MYRFL: variants seen among roughly 807,000 people sequenced by gnomAD.
MYRFL encodes myelin regulatory factor like.
In MYRFL, 88 loss-of-function variants were observed where a neutral mutation model predicts 109.4. The observed-to-expected ratio is 0.80, with a 90% CI of 0.68 to 0.96. MYRFL has a LOEUF of 0.96. Ranked by LOEUF, MYRFL falls within the 40% of genes least tolerant of loss-of-function variation. The probability of loss-of-function intolerance (pLI) is 0.00; values close to 1 mark genes in which losing one functional copy is unlikely to be tolerated. For synonymous variants in MYRFL, 324 were observed against 320.9 expected, an observed-to-expected ratio of 1.01 and a Z score of -0.10; for missense variants, 957 against 954.9, an observed-to-expected ratio of 1.00 and a Z score of -0.03.
At chr12:69,870,889 G>A (rs986719697) in intron 2 of MYRFL, among the ~76,000 whole-genome samples, 3 of 152,138 alleles carry the variant, frequency 2.0e-5, no homozygotes, top group African/African-American at 7.2e-5. Flanking sequence ...GCTGGATGGA[G>A]ACTGCATTCC....
At chr12:69,909,667 T>C (rs1449285272) in intron 11 of MYRFL, among the ~76,000 whole-genome samples, 1 of 152,206 alleles carries the variant, frequency 6.6e-6, no homozygotes, top group East Asian at 1.9e-4. Context: ...TTGATTGTTA[T>C]CATTTTGCTG....
intron 19 of MYRFL, among the ~76,000 whole-genome samples, chr12:69,949,618 ACTTT>A: frequency 6.6e-6 from 1 of 150,408 alleles, no homozygotes; most frequent in South Asian, 2.1e-4. Flanking sequence ...AAATTTGTAA[ACTTT>A]CTTAAAACAT....
intron 19 of MYRFL, among the ~76,000 whole-genome samples, chr12:69,937,972 T>A (rs972861211): frequency 6.7e-6 from 1 of 150,272 alleles, no homozygotes; most frequent in African/African-American, 2.4e-5. Context: ...GAGGTGCTTT[T>A]ATTATCCCAA....
At chr12:69,867,528 C>T (rs1223955554) in intron 2 of MYRFL, among the ~76,000 whole-genome samples, 1 of 152,036 alleles carries the variant, frequency 6.6e-6, no homozygotes, top group Non-Finnish European at 1.5e-5. Flanking sequence ...GAATAGGGGA[C>T]GTCACAGGAG....
intron 5 of MYRFL, among the ~76,000 whole-genome samples, chr12:69,882,946 T>C (rs1355080672): frequency 1.3e-5 from 2 of 152,252 alleles, no homozygotes. Context: ...CTTATTTTTC[T>C]TGATTATGAA....
Position 69,830,157 on chromosome 12 carries a change from G to A in MYRFL, c.46+4594G>A, listed in dbSNP as rs146659241. On this transcript the variant is annotated intron_variant, in intron 1 of 24. Coordinates refer to ENST00000552032, the MANE Select transcript of MYRFL (RefSeq NM_182530.3). ...AACATTGAAACTGTCTGGATCAAAA[G>A]CAGCAGAAAGATTACCTCCTCCAGG... Among the ~76,000 whole-genome samples the A allele has an allele frequency of 6.3e-3, 955 of 151,998 alleles. 5 individuals are homozygous for A. The highest frequency in any genetic ancestry group is 0.01 in the Non-Finnish European group (708 of 67,926).
At chr12:69,861,021 G>C (rs1644550779) in intron 2 of MYRFL, among the ~76,000 whole-genome samples, 1 of 149,050 alleles carries the variant, frequency 6.7e-6, no homozygotes, top group African/African-American at 2.5e-5. Flanking sequence ...TCTTGCGATA[G>C]TTTACTGAGA....
At chr12:69,936,409 G>A (rs1233580620) in intron 18 of MYRFL, 44 bp from the exon 19 acceptor site, 2 of 1,526,138 alleles carry the variant, frequency 1.3e-6, no homozygotes, top group Admixed American at 2.0e-5. Context: ...AGCCTTTCAG[G>A]TTAACCTTCT....
intron 13 of MYRFL, among the ~76,000 whole-genome samples, chr12:69,912,957 C>T (rs56410089): frequency 0.048 from 7,365 of 152,150 alleles, 252 homozygotes; most frequent in Non-Finnish European, 0.072. Flanking sequence ...ACGTCCTCAC[C>T]GATGCTTGTA....
chr12:69,841,086 A>G (rs1883217440), intron 1 of MYRFL, among the ~76,000 whole-genome samples: 1 of 152,130 alleles, frequency 6.6e-6, no homozygotes. Flanking sequence ...TCAGTGTAAA[A>G]CTATCTGCAC....
At chr12:69,897,886 T>C (rs1954051212) in intron 10 of MYRFL, among the ~76,000 whole-genome samples, 1 of 152,194 alleles carries the variant, frequency 6.6e-6, no homozygotes, top group African/African-American at 2.4e-5. Context: ...TTTTGCTGAA[T>C]GAATGATTGG....
At position 69,927,274 on chromosome 12, in the gene MYRFL, C is replaced by G. The variant is rs117874185; in HGVS notation, c.1767-411C>G. ...TGCTGTTTTAAAAGTGGAAAAAAAC[C>G]ATGAGACATCTGTTTAGTAGCAGTT... On this transcript the variant is annotated intron_variant, in intron 14 of 24. Transcript: ENST00000552032. 2.8e-3 allele frequency among the ~76,000 whole-genome samples: 432 copies of G among 152,158 alleles called. 1 individual carries two copies. Among genetic ancestry groups the G allele is most frequent in the Admixed American group, 3.8e-3 (58 of 15,284 alleles).
chr12:69,888,282 G>T (rs1481982308), intron 6 of MYRFL, among the ~76,000 whole-genome samples: 1 of 152,152 alleles, frequency 6.6e-6, no homozygotes, highest in Middle Eastern at 3.2e-3. Context: ...AGCAAAAAAG[G>T]AAGGCAATAT....
chr12:69,931,759 C>T (rs1955277891), intron 15 of MYRFL, among the ~76,000 whole-genome samples: 1 of 152,170 alleles, frequency 6.6e-6, no homozygotes, highest in African/African-American at 2.4e-5. Flanking sequence ...TCTCTTCAGC[C>T]AGATTCCCCA....
intron 9 of MYRFL, 24 bp from the exon 10 acceptor site, chr12:69,897,131 CA>C: frequency 6.8e-7 from 1 of 1,466,482 alleles, no homozygotes. Flanking sequence ...GATGCATTGG[CA>C]TTGGTCTGCT....
Position 69,891,192 on chromosome 12 carries a change from A to G in MYRFL, c.903+26A>G, listed in dbSNP as rs1411418496. The G allele has an allele frequency of 7.1e-6, 10 of 1,412,170 alleles. No individual in the cohort carries two copies. In the East Asian group the frequency reaches 2.6e-4, roughly 36 times the overall value. The allele number at this position is 1,412,170 out of a possible 1,614,324, so 87.5% of individuals were successfully genotyped here. A position where few individuals can be genotyped will look rare whatever the true frequency, so the allele number is the denominator to read the frequency against. On this transcript the variant is annotated intron_variant, in intron 7 of 24. Transcript: ENST00000552032. ...GTATGTCTTTTATTTAGTTCAGTTTATATCAGTCAACATTTATTTTGTTTC... is the reference window on the plus strand; with the variant it reads ...GTATGTCTTTTATTTAGTTCAGTTTGTATCAGTCAACATTTATTTTGTTTC...
chr12:69,901,104 G>A (rs1025854770), intron 10 of MYRFL, among the ~76,000 whole-genome samples: 2 of 152,184 alleles, frequency 1.3e-5, no homozygotes, highest in African/African-American at 4.8e-5. Context: ...GCTGCCCCAA[G>A]GTCACACAGC....
intron 19 of MYRFL, among the ~76,000 whole-genome samples, chr12:69,946,009 A>G (rs1010253785): frequency 1.4e-5 from 2 of 147,370 alleles, no homozygotes; most frequent in African/African-American, 5.0e-5. Context: ...AAAAAAAAAA[A>G]AAAAATTATA....
chr12:69,884,143 A>G (rs1886308319), intron 5 of MYRFL, among the ~76,000 whole-genome samples: 1 of 152,216 alleles, frequency 6.6e-6, no homozygotes, highest in South Asian at 2.1e-4. Flanking sequence ...ACTGTCCTTC[A>G]AAAAAGAAAG....
Sources: allele counts gnomAD v4.1 joint callset (sites outside exome capture counted in the v4.1 genomes callset), GRCh38; gene constraint gnomAD v4.1.1; transcripts MANE v1.5; gene names NCBI Gene and HGNC (gene_info 2026-07-23, HGNC 2026-07-21).